The following CFAP46 variants were observed in gnomAD, a reference collection of about 807,000 sequenced individuals.
CFAP46 encodes the protein cilia- and flagella-associated protein 46.
A neutral mutation model predicts 325.7 loss-of-function variants in CFAP46; 245 were observed. That is an observed-to-expected ratio of 0.75 (90% confidence interval 0.68 to 0.84). CFAP46 has a LOEUF of 0.84. CFAP46 is among the 40% of genes least tolerant of loss of function. The pLI, the probability that CFAP46 is intolerant of heterozygous loss-of-function variation, is 0.00. For synonymous variants in CFAP46, 1,523 were observed against 1,495.9 expected (o/e 1.02, Z -0.42); for missense variants, 3,346 against 3,543.0 (o/e 0.94, Z 1.41).
intron 7 of CFAP46, among the ~76,000 whole-genome samples, chr10:132,936,435 TCGGC>T: frequency 2.5e-5 from 2 of 79,378 alleles, no homozygotes; most frequent in Non-Finnish European, 2.4e-5. Flanking sequence ...CTCACTCCCC[TCGGC>T]ATCCAAACAC....
chr10:132,931,879 TTCC>T (rs1234287128), intron 8 of CFAP46, among the ~76,000 whole-genome samples: 17 of 121,004 alleles, frequency 1.4e-4, no homozygotes, highest in Admixed American at 1.8e-4. Context: ...AGCCTGGGCC[TTCC>T]CCACATTCCC....
At chr10:132,901,280 G>A (rs1490307900) in intron 22 of CFAP46, among the ~76,000 whole-genome samples, 1 of 152,162 alleles carries the variant, frequency 6.6e-6, no homozygotes, top group Non-Finnish European at 1.5e-5. Flanking sequence ...TACGTTTAAT[G>A]GAATGACTGA....
intron 9 of CFAP46, among the ~76,000 whole-genome samples, chr10:132,927,985 C>G (rs554549771): frequency 2.6e-5 from 4 of 152,266 alleles, no homozygotes; most frequent in Admixed American, 2.6e-4. Context: ...AGAGGCCAAC[C>G]GGGCAAAGGG....
chr10:132,874,263 T>C (rs1461274430), intron 31 of CFAP46, among the ~76,000 whole-genome samples: 1 of 152,156 alleles, frequency 6.6e-6, no homozygotes, highest in Non-Finnish European at 1.5e-5. Context: ...GCTGGTGACA[T>C]AAAGTGAGTG....
rs772807499 is a variant in CFAP46, at chr10:132,834,050, C to T, written c.6940G>A (p.Gly2314Arg). Residue 2314 changes from glycine (G) to arginine (R), a missense_variant, in exon 49 of 58, where the codon GGA (glycine) becomes AGA (arginine). Transcript: ENST00000368586. The stretch of plus-strand genomic sequence containing the variant: ...CGCCCGCCCCACTCACTGTGTTGTC[C>T]TGTGGACGTTTTCCTCTCCTTGTCT... ...GKDKERKTST[G>R]QHSTVQPEVA... 6.2e-7 allele frequency: 1 copy of T among 1,614,034 alleles called. No homozygotes were observed. The highest frequency in any genetic ancestry group is 1.1e-5 in the South Asian group (1 of 91,064).
intron 45 of CFAP46, 150 bp downstream of exon 45, chr10:132,836,667 C>T (rs148804413): frequency 0.012 from 8,445 of 701,880 alleles, 93 homozygotes; most frequent in South Asian, 0.029. Flanking sequence ...GGTGTCTGTC[C>T]GGCACCTTCT....
At chr10:132,870,527 T>C (rs1848882811) in intron 32 of CFAP46, among the ~76,000 whole-genome samples, 1 of 152,070 alleles carries the variant, frequency 6.6e-6, no homozygotes, top group South Asian at 2.1e-4. Context: ...AACATATGAA[T>C]ACAAATGACG....
rs375298946 is a variant in CFAP46, at chr10:132,828,757, C to T, written c.7117+4601G>A. On this transcript the variant is annotated intron_variant, in intron 50 of 57. Transcript: ENST00000368586. The surrounding 1 kb of genome is among the most constrained non-coding windows in gnomAD (Gnocchi z 4.9). ...GATCCATTTCGAGCTGATTTTCCTG[C>T]GTGGCGTGCGGCCTCGTTTTTGTTG... Among the ~76,000 whole-genome samples the T allele has an allele frequency of 3.9e-5, 6 of 152,142 alleles. No homozygotes were observed. The East Asian group carries it at 7.7e-4, about 20-fold the overall frequency.
chr10:132,845,899 G>A (rs894439960), intron 44 of CFAP46, among the ~76,000 whole-genome samples, 158 bp downstream of exon 44: 7 of 152,178 alleles, frequency 4.6e-5, no homozygotes, highest in Non-Finnish European at 1.0e-4. Context: ...TTGGAGAGGC[G>A]ACCCAGGTGC....
At chr10:132,923,560 G>A (rs1182553314) in intron 11 of CFAP46, among the ~76,000 whole-genome samples, 1 of 151,482 alleles carries the variant, frequency 6.6e-6, no homozygotes, top group Non-Finnish European at 1.5e-5. Context: ...GGGGTGCCCT[G>A]GAACCCCTGG....
rs997048167 is a variant in CFAP46 at position 132,859,221 on chromosome 10, G to T, written c.5225C>A (p.Ala1742Glu). ...GGGTTCAGTGACCGCTGAGTGCTGC[G>T]CAACTCTGACCCGCAGGCTCAGGCA... The part of the protein sequence containing the change: ...ARCLSLRVRV[A>E]QHSAVTEPTE... The change falls in exon 38 of 58, where the codon GCG becomes GAG. Residue 1742 changes from alanine (A) to glutamate (E), a missense_variant. Physicochemically the swap from Ala to Glu is moderately radical, Grantham distance 107. Transcript: ENST00000368586. The T allele has an allele frequency of 4.5e-6, 7 of 1,549,520 alleles. No individual in the cohort carries two copies. The African/African-American group carries it at 8.2e-5, about 18-fold the overall frequency.
At chr10:132,864,397 T>C (rs1848775495) in intron 35 of CFAP46, among the ~76,000 whole-genome samples, 1 of 98,490 alleles carries the variant, frequency 1.0e-5, no homozygotes, top group Admixed American at 1.1e-4. Flanking sequence ...TGCACACACC[T>C]GTCCCCAGTG....
chr10:132,835,531 C>A, intron 46 of CFAP46, 97 bp from the exon 47 acceptor site: 1 of 1,479,286 alleles, frequency 6.8e-7, no homozygotes, highest in South Asian at 1.3e-5. Flanking sequence ...TGCTGTCCCA[C>A]AGGAAAGGCT....
Position 132,822,974 on chromosome 10 carries a change from G to A in CFAP46, c.7118-8060C>T, listed in dbSNP as rs1368991101. On this transcript the variant is annotated intron_variant, in intron 50 of 57. Transcript: ENST00000368586. ...GTGTGTGTGGTGATGTGTGCTGTGT[G>A]TGCAGTGATGTGTGCTGTGTGTGTG... Among the ~76,000 whole-genome samples, 7 of 145,532 alleles carry A rather than the reference G, an allele frequency of 4.8e-5. No individual in the cohort carries two copies. The East Asian group carries it at 1.5e-3, about 30-fold the overall frequency.
At chr10:132,900,401 C>T (rs2135483841) in intron 22 of CFAP46, among the ~76,000 whole-genome samples, 1 of 152,378 alleles carries the variant, frequency 6.6e-6, no homozygotes, top group African/African-American at 2.4e-5. Flanking sequence ...CACACTAAGG[C>T]AGGATTCTCG....
Position 132,814,835 on chromosome 10 carries a change from C to T in CFAP46, c.7188+9G>A, listed in dbSNP as rs776610202. On this transcript the variant is annotated intron_variant, in intron 51 of 57. Coordinates refer to ENST00000368586, the MANE Select transcript of CFAP46 (RefSeq NM_001200049.3). ...CCAGCCCGATCCCCTATCACAGGCCCCCACCCACCTTCCTGCCCTTCTTCG... is the reference window on the plus strand; with the variant it reads ...CCAGCCCGATCCCCTATCACAGGCCTCCACCCACCTTCCTGCCCTTCTTCG... The T allele has an allele frequency of 5.0e-6, 8 of 1,614,194 alleles. No individual in the cohort carries two copies. Among genetic ancestry groups the T allele is most frequent in the South Asian group, 1.1e-5 (1 of 91,088 alleles).
intron 9 of CFAP46, chr10:132,929,453 C>G (rs1180278251): frequency 1.4e-6 from 1 of 726,770 alleles, no homozygotes; most frequent in Non-Finnish European, 2.6e-6. Context: ...AAATTGGACT[C>G]TAGAAACAAC....
At chr10:132,835,025 G>A (rs527256225) in intron 47 of CFAP46, among the ~76,000 whole-genome samples, 63 of 152,178 alleles carry the variant, frequency 4.1e-4, no homozygotes, top group Admixed American at 1.7e-3. Context: ...GGGGACAGCC[G>A]GGCCCAGGTG....
intron 19 of CFAP46, among the ~76,000 whole-genome samples, 158 bp downstream of exon 19, chr10:132,912,496 CA>C: frequency 3.6e-5 from 3 of 83,706 alleles, no homozygotes; most frequent in Admixed American, 1.4e-4. Context: ...TCTCCTCTTT[CA>C]CCTCTCTCTC....
Sources: gnomAD v4.1 joint callset for allele counts (sites outside exome capture counted in the v4.1 genomes callset) on GRCh38, gnomAD v4.1.1 for gene constraint, Gnocchi (gnomAD v3.1) non-coding constraint, MANE v1.5 for transcripts, NCBI Gene and HGNC (gene_info 2026-07-23, HGNC 2026-07-21) for gene names.